CHL1: variants seen among roughly 807,000 people sequenced by gnomAD.
CHL1 encodes the protein cell adhesion molecule L1 like, also known as neural cell adhesion molecule L1-like protein.
CHL1 carries 96 observed loss-of-function variants against 141.9 expected under a neutral mutation model. The ratio of observed to expected loss-of-function variants is 0.68; its 90% CI spans 0.57 to 0.80. CHL1 has a LOEUF of 0.80. CHL1 is among the 30% of genes least tolerant of loss of function. The pLI, the probability that CHL1 is intolerant of heterozygous loss-of-function variation, is 0.00. For missense variants in CHL1, 1,820 were observed against 1,457.2 expected, an observed-to-expected ratio of 1.25 and a Z score of -4.05; for synonymous variants, 613 against 502.2, an observed-to-expected ratio of 1.22 and a Z score of -2.95.
chr3:226,951 GT>G (rs1438957124), intron 1 of CHL1, among the ~76,000 whole-genome samples: 2 of 152,094 alleles, frequency 1.3e-5, no homozygotes, highest in Non-Finnish European at 2.9e-5. Context: ...AAAATGGAAA[GT>G]TTTTGCTAAA....
chr3:307,268 T>C (rs969662640), intron 2 of CHL1, among the ~76,000 whole-genome samples: 1 of 152,166 alleles, frequency 6.6e-6, no homozygotes, highest in African/African-American at 2.4e-5. Context: ...GTATTAGCCA[T>C]CAAATGTACA....
At chr3:342,151 C>G in intron 7 of CHL1, 69 bp downstream of exon 7, 2 of 1,412,534 alleles carry the variant, frequency 1.4e-6, no homozygotes, top group Non-Finnish European at 1.9e-6. Flanking sequence ...TTCCTTCTGG[C>G]TGAAGCCATT....
chr3:320,791 A>G (rs1700502798), intron 3 of CHL1, among the ~76,000 whole-genome samples: 1 of 152,112 alleles, frequency 6.6e-6, no homozygotes, highest in Admixed American at 6.6e-5. Flanking sequence ...TTTTTCTTGT[A>G]TTACATGCAT....
chr3:337,751 A>T (rs543657440), intron 5 of CHL1, among the ~76,000 whole-genome samples: 1 of 152,160 alleles, frequency 6.6e-6, no homozygotes, highest in African/African-American at 2.4e-5. Flanking sequence ...ACATTTTCTT[A>T]ATCCAGTCTA....
At chr3:388,999 T>C (rs4685668) in intron 19 of CHL1, among the ~76,000 whole-genome samples, 126,778 of 152,230 alleles carry the variant, frequency 0.83, 56,094 homozygotes, top group East Asian at 1. Flanking sequence ...GACTTTACCA[T>C]GAGGACATAA....
At chr3:228,836 T>C (rs184913259) in intron 1 of CHL1, among the ~76,000 whole-genome samples, 310 of 152,266 alleles carry the variant, frequency 2.0e-3, no homozygotes, top group African/African-American at 7.1e-3. Context: ...TGGTTCCTAA[T>C]GGTTGATTTA....
intron 9 of CHL1, among the ~76,000 whole-genome samples, chr3:345,281 C>T (rs902697997): frequency 6.6e-6 from 1 of 151,766 alleles, no homozygotes; most frequent in African/African-American, 2.4e-5. Context: ...TGCTATGTTA[C>T]TTACTAAATC....
chr3:326,014 C>T lies in CHL1; in HGVS notation c.147C>T (p.Phe49=), dbSNP rs2125067923. ...CAAAAGTCCAAGTTGCCTTTCCCTT[C>T]GATGAGTATTTTCAAATTGAATGTG... is the stretch of plus-strand genomic sequence containing the variant. ...KQSKVQVAFP[F]DEYFQIECEA... The change falls in exon 4 of 28, where the codon TTC becomes TTT. Residue 49 remains phenylalanine, a synonymous_variant. Transcript: ENST00000256509. 12 of 1,611,666 alleles carry T rather than the reference C, an allele frequency of 7.4e-6. No homozygotes were observed. The highest frequency in any genetic ancestry group is 1.1e-5 in the South Asian group (1 of 90,892).
chr3:359,894 C>T (rs1233946974), intron 11 of CHL1, among the ~76,000 whole-genome samples: 2 of 152,116 alleles, frequency 1.3e-5, no homozygotes, highest in Non-Finnish European at 2.9e-5. Context: ...CTAGGGAGAT[C>T]GTGATGTGTT....
At chr3:363,659 A>T in intron 14 of CHL1, 1 of 251,992 alleles carries the variant, frequency 4.0e-6, no homozygotes, top group Non-Finnish European at 7.6e-6. Context: ...TATTAACCAT[A>T]CTACACCATA....
intron 11 of CHL1, 113 bp from the exon 12 acceptor site, chr3:360,171 G>C: frequency 4.3e-6 from 5 of 1,151,372 alleles, no homozygotes; most frequent in South Asian, 1.8e-5. Context: ...TGAACTATTA[G>C]TCACCCTAAA....
intron 2 of CHL1, chr3:282,707 A>G (rs986240201): frequency 3.9e-5 from 6 of 152,176 alleles, no homozygotes; most frequent in African/African-American, 1.4e-4. Context: ...GAATGGCTTC[A>G]CAAATTTGCA....
chr3:381,187 A>G (rs961104141), intron 16 of CHL1, among the ~76,000 whole-genome samples: 3 of 152,176 alleles, frequency 2.0e-5, no homozygotes, highest in Non-Finnish European at 2.9e-5. Flanking sequence ...TAATCAGAGA[A>G]GAGGGAGGTA....
At chr3:327,636 CAG>C (rs1034352392) in intron 4 of CHL1, among the ~76,000 whole-genome samples, 64 of 151,836 alleles carry the variant, frequency 4.2e-4, no homozygotes, top group African/African-American at 1.5e-3. Flanking sequence ...AACCATATGA[CAG>C]AAGATAATGT....
intron 1 of CHL1, 156 bp downstream of exon 1, chr3:197,219 G>C (rs1424567973): frequency 6.6e-6 from 1 of 152,530 alleles, no homozygotes; most frequent in Non-Finnish European, 1.5e-5. Flanking sequence ...GGGGTGGTCC[G>C]GGCCCCTCAG....
intron 23 of CHL1, among the ~76,000 whole-genome samples, chr3:393,870 G>C (rs144368062): frequency 6.6e-6 from 1 of 152,040 alleles, no homozygotes. Flanking sequence ...CATTTTTATG[G>C]ACCAAGGAAG....
chr3:312,783 T>C (rs548811533), intron 2 of CHL1, among the ~76,000 whole-genome samples: 12 of 152,324 alleles, frequency 7.9e-5, no homozygotes, highest in African/African-American at 2.9e-4. Context: ...CATTTTATCA[T>C]GGAGAGAAAA....
intron 23 of CHL1, among the ~76,000 whole-genome samples, chr3:394,481 G>A (rs1462679899): frequency 6.6e-6 from 1 of 152,112 alleles, no homozygotes; most frequent in Non-Finnish European, 1.5e-5. Context: ...CCCAAGATGG[G>A]AGCAAAGGGC....
intron 1 of CHL1, among the ~76,000 whole-genome samples, chr3:235,567 G>A (rs1424372208): frequency 6.6e-6 from 1 of 152,002 alleles, no homozygotes; most frequent in Non-Finnish European, 1.5e-5. Context: ...AGTTCAAGGT[G>A]GTATCTGAGG....
Sources: gnomAD v4.1 joint callset for allele counts (sites outside exome capture counted in the v4.1 genomes callset) on GRCh38, gnomAD v4.1.1 for gene constraint, MANE v1.5 for transcripts, NCBI Gene and HGNC (gene_info 2026-07-23, HGNC 2026-07-21) for gene names.